Variants in NRIP1 observed in about 807,000 individuals in gnomAD.
NRIP1 encodes the protein nuclear receptor-interacting protein 1.
NRIP1 carries 28 observed loss-of-function variants against 75.0 expected under a neutral mutation model. The ratio of observed to expected loss-of-function variants is 0.37; its 90% confidence interval spans 0.28 to 0.51. The LOEUF (loss-of-function observed/expected upper bound fraction) is 0.51. NRIP1 is among the 20% of genes least tolerant of loss of function. The probability of loss-of-function intolerance (pLI) is 0.92; values close to 1 mark genes in which losing one functional copy is unlikely to be tolerated. For missense variants in NRIP1, 1,435 were observed against 1,343.7 expected, an observed-to-expected ratio of 1.07 and a Z score of -1.06; for synonymous variants, 526 against 487.6, an observed-to-expected ratio of 1.08 and a Z score of -1.04.
rs186406317 is a variant in NRIP1, at chr21:15,038,810, T to G, written c.-458+4685A>C. Among the ~76,000 whole-genome samples the G allele has an allele frequency of 1.7e-3, 265 of 152,228 alleles. 3 individuals carry two copies. The highest frequency in any genetic ancestry group is 6.8e-3 in the Middle Eastern group (2 of 294). On this transcript the variant is annotated intron_variant, in intron 2 of 3. Transcript: ENST00000318948. ...TAAAAAAAAATGTGTATCTTCTCCA[T>G]GCATTCAATAAATAACTAGTCTATA...
intron 2 of NRIP1, among the ~76,000 whole-genome samples, chr21:15,035,295 T>C (rs939692049): frequency 1.3e-5 from 2 of 152,182 alleles, no homozygotes; most frequent in African/African-American, 4.8e-5. Flanking sequence ...CTCAAATAAA[T>C]GTTTTCTTTT....
At position 14,965,663 on chromosome 21, in the gene NRIP1, T is replaced by C. The variant is rs2086714814; in HGVS notation, c.2530A>G (p.Met844Val). 3 of 1,613,402 alleles carry C rather than the reference T, an allele frequency of 1.9e-6. No individual in the cohort carries two copies. The highest frequency in any genetic ancestry group is 1.7e-6 in the Non-Finnish European group (2 of 1,179,932). Residue 844 changes from methionine (M) to valine (V), a missense_variant, in exon 4 of 4, where the codon ATG becomes GTG. Physicochemically the swap from Met to Val is conservative, Grantham distance 21. Transcript: ENST00000318948. ...DSDRSHRNNEMALLESKNLCM... is the reference protein window; with the variant it reads ...DSDRSHRNNEVALLESKNLCM... ...AGATTCTTTGATTCTAGAAGTGCCA[T>C]TTCATTATTTCTGTGACTCCTGTCT...
At chr21:15,052,776 A>C (rs1172529357) in intron 1 of NRIP1, among the ~76,000 whole-genome samples, 2 of 152,204 alleles carry the variant, frequency 1.3e-5, no homozygotes, top group Non-Finnish European at 2.9e-5. Context: ...AACAAAACGT[A>C]GTCCAAAGTA....
At chr21:15,020,867 A>G (rs933930457) in intron 2 of NRIP1, among the ~76,000 whole-genome samples, 3 of 151,978 alleles carry the variant, frequency 2.0e-5, no homozygotes, top group Admixed American at 2.0e-4. Flanking sequence ...CACTCACTAG[A>G]ATAGCTATAT....
chr21:15,002,528 T>C (rs1362679359), intron 3 of NRIP1, among the ~76,000 whole-genome samples: 1 of 152,094 alleles, frequency 6.6e-6, no homozygotes, highest in African/African-American at 2.4e-5. Context: ...AATACAGATG[T>C]GTCTACTTCG....
chr21:14,988,534 T>TAA, intron 3 of NRIP1, among the ~76,000 whole-genome samples: 1 of 151,356 alleles, frequency 6.6e-6, no homozygotes, highest in East Asian at 1.9e-4. Context: ...TATATATATA[T>TAA]CCTGAAAAAC....
intron 2 of NRIP1, among the ~76,000 whole-genome samples, chr21:15,038,437 C>A (rs968678500): frequency 2.0e-5 from 3 of 151,686 alleles, no homozygotes; most frequent in African/African-American, 7.3e-5. Flanking sequence ...ACTAAGATAC[C>A]AAAATATAAT....
intron 3 of NRIP1, among the ~76,000 whole-genome samples, chr21:14,993,065 A>C (rs1195090947): frequency 6.6e-6 from 1 of 152,168 alleles, no homozygotes; most frequent in Non-Finnish European, 1.5e-5. Context: ...CTGTTCAATA[A>C]TCAGTTTTTA....
At chr21:15,003,844 T>C (rs995208428) in intron 3 of NRIP1, among the ~76,000 whole-genome samples, 1 of 152,120 alleles carries the variant, frequency 6.6e-6, no homozygotes, top group African/African-American at 2.4e-5. Flanking sequence ...GAAGAACAAT[T>C]AGTGATAACA....
chr21:15,048,526 A>G (rs1363742155), intron 1 of NRIP1, among the ~76,000 whole-genome samples: 2 of 152,214 alleles, frequency 1.3e-5, no homozygotes, highest in African/African-American at 4.8e-5. Flanking sequence ...ATCAGACAAA[A>G]ACAAACAGAA....
At chr21:14,975,445 A>C (rs990310443) in intron 3 of NRIP1, among the ~76,000 whole-genome samples, 5 of 151,864 alleles carry the variant, frequency 3.3e-5, no homozygotes, top group South Asian at 2.1e-4. Flanking sequence ...AATGTAGTAT[A>C]ATGGGCTCTA....
chr21:14,974,155 A>T (rs2146973018), intron 3 of NRIP1: 1 of 152,282 alleles, frequency 6.6e-6, no homozygotes, highest in Non-Finnish European at 1.5e-5. Flanking sequence ...TTTTTTTCAT[A>T]AGAATTTAAA....
chr21:15,062,839 A>G (rs1978427973), intron 1 of NRIP1, among the ~76,000 whole-genome samples: 2 of 152,184 alleles, frequency 1.3e-5, no homozygotes. Context: ...CTCTTCACAC[A>G]CTTCTTTAGT....
chr21:15,017,058 T>C (rs1315894069), intron 2 of NRIP1, among the ~76,000 whole-genome samples: 1 of 152,128 alleles, frequency 6.6e-6, no homozygotes, highest in African/African-American at 2.4e-5. Context: ...TAGTAATCTA[T>C]AAATTGATTA....
chr21:15,050,285 A>C (rs751888735), intron 1 of NRIP1: 8 of 173,070 alleles, frequency 4.6e-5, no homozygotes, highest in Non-Finnish European at 8.7e-5. Flanking sequence ...ATTTCTACTT[A>C]AACTCAAACC....
intron 3 of NRIP1, among the ~76,000 whole-genome samples, chr21:14,987,312 A>G (rs1342914718): frequency 6.6e-6 from 1 of 152,182 alleles, no homozygotes. Flanking sequence ...GCTCAGTAAG[A>G]GTTCCTTGCG....
rs368058333 is a variant in NRIP1, at chr21:14,975,673, A to G, written c.-334-7147T>C. 2.9e-3 allele frequency among the ~76,000 whole-genome samples: 336 copies of G among 116,732 alleles called. 1 individual carries two copies. The highest frequency in any genetic ancestry group is 0.011 in the African/African-American group (274 of 25,792). The allele number at this position is 116,732 out of a possible 152,430, so 76.6% of individuals were successfully genotyped here. A position where few individuals can be genotyped will look rare whatever the true frequency, so the allele number is the denominator to read the frequency against. On this transcript the variant is annotated intron_variant, in intron 3 of 3. Transcript: ENST00000318948. ...AGGAAGGAAGGGAGAGAGAGAGAGAAAGAAAGAAAGGGAGGGGAGGGGAGG... is the reference window on the plus strand; with the variant it reads ...AGGAAGGAAGGGAGAGAGAGAGAGAGAGAAAGAAAGGGAGGGGAGGGGAGG...
At chr21:15,019,892 G>C (rs145308999) in intron 2 of NRIP1, among the ~76,000 whole-genome samples, 6 of 152,054 alleles carry the variant, frequency 3.9e-5, no homozygotes, top group Admixed American at 3.3e-4. Flanking sequence ...AGCCAGGCAC[G>C]GTGGCTCACG....
intron 3 of NRIP1, among the ~76,000 whole-genome samples, chr21:14,976,453 A>T: frequency 6.6e-6 from 1 of 152,130 alleles, no homozygotes; most frequent in East Asian, 1.9e-4. Flanking sequence ...ACTTTTTTTT[A>T]TAAGTATCTG....
Sources: allele counts gnomAD v4.1 joint callset (sites outside exome capture counted in the v4.1 genomes callset), GRCh38; gene constraint gnomAD v4.1.1; transcripts MANE v1.5; gene names NCBI Gene and HGNC (gene_info 2026-07-23, HGNC 2026-07-21).